FAM91A1: variants seen among roughly 807,000 people sequenced by gnomAD.
FAM91A1 encodes family with sequence similarity 91 member A1.
Under a neutral mutation model 113.5 loss-of-function variants are expected in FAM91A1, and 41 were observed. The ratio of observed to expected loss-of-function variants is 0.36; its 90% CI spans 0.28 to 0.47. FAM91A1 has a LOEUF of 0.47. FAM91A1 is among the 20% of genes least tolerant of loss of function. The probability of loss-of-function intolerance (pLI) is 1.00; values close to 1 mark genes in which losing one functional copy is unlikely to be tolerated. For synonymous variants in FAM91A1, 307 were observed against 347.9 expected, an observed-to-expected ratio of 0.88 and a Z score of 1.31; for missense variants, 696 against 1,001.2, an observed-to-expected ratio of 0.70 and a Z score of 4.11.
intron 15 of FAM91A1, among the ~76,000 whole-genome samples, chr8:123,794,580 A>G (rs1007656889): frequency 6.6e-6 from 1 of 152,222 alleles, no homozygotes; most frequent in African/African-American, 2.4e-5. Flanking sequence ...TGTTGTATCT[A>G]CTTGAGTACC....
At chr8:123,810,433 C>T (rs764860123) in intron 23 of FAM91A1, 82 bp downstream of exon 23, 32 of 1,162,648 alleles carry the variant, frequency 2.8e-5, no homozygotes, top group Non-Finnish European at 3.9e-5. Flanking sequence ...TTTTGAGTCA[C>T]CACAGCAGCA....
Position 123,779,988 on chromosome 8 carries a change from T to C in FAM91A1, c.553T>C (p.Cys185Arg), listed in dbSNP as rs1170583939. Reference sequence around the variant, plus strand: ...AAAAATATTTTGCTTTTCTTAGATATGCACTTTGCCTGAGAAATGCGCTGT... The same window carrying C: ...AAAAATATTTTGCTTTTCTTAGATACGCACTTTGCCTGAGAAATGCGCTGT... ...GYITEDDIKI[C>R]TLPEKCAVDK... Residue 185 changes from cysteine to arginine, a missense_variant, in exon 7 of 24, where the codon TGC (cysteine) becomes CGC (arginine). Cys to Arg is a radical substitution (Grantham distance 180). Transcript: ENST00000334705. 1 of 1,612,706 alleles carries C rather than the reference T, an allele frequency of 6.2e-7. No individual in the cohort carries two copies. Among genetic ancestry groups the C allele is most frequent in the African/African-American group, 1.3e-5 (1 of 75,012 alleles).
At chr8:123,809,473 G>A (rs6985019) in intron 22 of FAM91A1, among the ~76,000 whole-genome samples, 39,747 of 152,040 alleles carry the variant, frequency 0.26, 6,425 homozygotes, top group African/African-American at 0.45. Context: ...TTCTAAAATG[G>A]ATATGTATTA....
intron 16 of FAM91A1, among the ~76,000 whole-genome samples, chr8:123,799,180 C>T (rs1363768736): frequency 8.5e-5 from 13 of 152,152 alleles, no homozygotes; most frequent in Admixed American, 6.5e-4. Flanking sequence ...CTTACAACAT[C>T]CTCTTGAGGT....
chr8:123,792,338 T>G (rs1815404536), intron 15 of FAM91A1, among the ~76,000 whole-genome samples: 2 of 152,222 alleles, frequency 1.3e-5, no homozygotes, highest in African/African-American at 2.4e-5. Context: ...AAGCAAACTC[T>G]GTTATACATG....
intron 23 of FAM91A1, chr8:123,810,622 G>A (rs1351221933): frequency 1.4e-5 from 7 of 493,632 alleles, no homozygotes; most frequent in Non-Finnish European, 2.1e-5. Context: ...TGTGTGCCAT[G>A]CTAGGTGTTA....
At position 123,806,134 on chromosome 8, in the gene FAM91A1, G is replaced by A. The variant is rs1815798146; in HGVS notation, c.1937G>A (p.Arg646Lys). 1.9e-6 allele frequency: 3 copies of A among 1,612,998 alleles called. No individual in the cohort carries two copies. The highest frequency in any genetic ancestry group is 2.5e-6 in the Non-Finnish European group (3 of 1,179,460). Residue 646 changes from arginine to lysine, a missense_variant, in exon 20 of 24, where the codon AGA (arginine) becomes AAA (lysine). Coordinates refer to ENST00000334705, the MANE Select transcript of FAM91A1 (RefSeq NM_144963.4). The part of the protein sequence containing the change: ...VHKALQILRN[R>K]VDLQHLCGYV... ...AAAGCATTGCAGATACTAAGGAACA[G>A]AGTGGACTTACAGCATCTCTGTGGA...
chr8:123,809,162 G>C (rs1245409000), intron 22 of FAM91A1, 146 bp downstream of exon 22: 1 of 1,232,232 alleles, frequency 8.1e-7, no homozygotes, highest in Non-Finnish European at 1.1e-6. Flanking sequence ...CTAGTTTAAG[G>C]GTTTTGCTGT....
intron 3 of FAM91A1, among the ~76,000 whole-genome samples, chr8:123,775,717 A>G (rs1814967587): frequency 6.6e-6 from 1 of 152,210 alleles, no homozygotes; most frequent in Non-Finnish European, 1.5e-5. Context: ...CTGTAATCCC[A>G]GCACTTTGGG....
rs763248504 is a variant in FAM91A1 at position 123,778,721 on chromosome 8, A to G, written c.498A>G (p.Ile166Met). 1.2e-6 allele frequency: 2 copies of G among 1,609,336 alleles called. No individual in the cohort carries two copies. Among genetic ancestry groups the G allele is most frequent in the Non-Finnish European group, 1.7e-6 (2 of 1,178,362 alleles). Residue 166 changes from isoleucine (I) to methionine (M), a missense_variant, in exon 6 of 24, where the codon ATA becomes ATG. Ile to Met is a conservative substitution (Grantham distance 10). Transcript: ENST00000334705. ...LLPIKPVEIA[I>M]EAWWVVQAGY... Reference sequence around the variant, plus strand: ...CAATAAAGCCAGTGGAAATTGCCATAGAGGCGTGGTGGGTGGTGCAGGCTG... The same window carrying G: ...CAATAAAGCCAGTGGAAATTGCCATGGAGGCGTGGTGGGTGGTGCAGGCTG...
At chr8:123,802,120 A>G (rs1815700003) in intron 18 of FAM91A1, among the ~76,000 whole-genome samples, 1 of 152,106 alleles carries the variant, frequency 6.6e-6, no homozygotes, top group Admixed American at 6.5e-5. Flanking sequence ...AACATGGTCA[A>G]ATTTGTTTCA....
chr8:123,809,220 AC>A (rs1168773464), intron 22 of FAM91A1, among the ~76,000 whole-genome samples: 2 of 152,170 alleles, frequency 1.3e-5, no homozygotes, highest in Non-Finnish European at 2.9e-5. Flanking sequence ...TCACAGGCAA[AC>A]ATTTTGGGCA....
chr8:123,785,576 G>A lies in FAM91A1; in HGVS notation c.850-53G>A, dbSNP rs901592514. 4.3e-6 allele frequency: 5 copies of A among 1,176,288 alleles called. No homozygotes were observed. In the African/African-American group the frequency reaches 7.8e-5, roughly 18 times the overall value. 72.9% of individuals were successfully genotyped at this position (1,176,288 alleles called of 1,614,324 possible). On this transcript the variant is annotated intron_variant, in intron 10 of 23. Coordinates refer to ENST00000334705, the MANE Select transcript of FAM91A1 (RefSeq NM_144963.4). ...ACACTATTTTTTCTCTACAAATATTGTGATGTCTAGTTTATTTTAAATGGT... is the reference window on the plus strand; with the variant it reads ...ACACTATTTTTTCTCTACAAATATTATGATGTCTAGTTTATTTTAAATGGT...
intron 16 of FAM91A1, 131 bp from the exon 17 acceptor site, chr8:123,799,389 A>G (rs779470033): frequency 2.4e-5 from 19 of 781,102 alleles, no homozygotes; most frequent in Non-Finnish European, 3.5e-5. Context: ...TTAATGAAAC[A>G]TTTAAAGTTA....
intron 1 of FAM91A1, among the ~76,000 whole-genome samples, chr8:123,773,726 C>G (rs1051761594): frequency 7.2e-5 from 11 of 152,156 alleles, no homozygotes; most frequent in Middle Eastern, 3.2e-3. Context: ...AACCATCTAT[C>G]CAACCACTTA....
intron 8 of FAM91A1, among the ~76,000 whole-genome samples, chr8:123,781,957 T>G (rs1815134700): frequency 6.6e-6 from 1 of 152,218 alleles, no homozygotes; most frequent in African/African-American, 2.4e-5. Context: ...TTGGAAAATA[T>G]GAAAGTATTA....
chr8:123,807,011 G>A (rs1267230913), intron 20 of FAM91A1, among the ~76,000 whole-genome samples: 4 of 151,824 alleles, frequency 2.6e-5, no homozygotes, highest in Non-Finnish European at 2.9e-5. Flanking sequence ...TTGCCGTGGT[G>A]CCAGTTCTTA....
intron 15 of FAM91A1, among the ~76,000 whole-genome samples, chr8:123,796,294 T>C (rs747212250): frequency 6.6e-6 from 1 of 152,132 alleles, no homozygotes; most frequent in African/African-American, 2.4e-5. Context: ...GAAGATACCA[T>C]CATTGTTTTA....
intron 19 of FAM91A1, 100 bp from the exon 20 acceptor site, chr8:123,805,980 A>T: frequency 1.7e-6 from 2 of 1,182,390 alleles, no homozygotes; most frequent in South Asian, 2.5e-5. Flanking sequence ...GTATTAAAGT[A>T]TAAAAGTAGT....
Sources: allele counts gnomAD v4.1 joint callset (sites outside exome capture counted in the v4.1 genomes callset), GRCh38; gene constraint gnomAD v4.1.1; transcripts MANE v1.5; gene names NCBI Gene and HGNC (gene_info 2026-07-23, HGNC 2026-07-21).